Variants in ALK observed in about 807,000 individuals in gnomAD.
ALK encodes ALK tyrosine kinase receptor.
ALK carries 74 observed loss-of-function variants against 163.1 expected under a neutral mutation model. That is an observed-to-expected ratio of 0.45 (90% confidence interval 0.38 to 0.55). The LOEUF (loss-of-function observed/expected upper bound fraction) is 0.55, where lower values mean the gene tolerates loss of function less well. Among genes scored for constraint, ALK ranks in the 20% least tolerant of loss-of-function variants. The pLI is 0.00. For synonymous variants in ALK, 960 were observed against 843.2 expected (o/e 1.14, Z -2.40); for missense variants, 2,063 against 2,105.3 (o/e 0.98, Z 0.39).
chr2:29,435,596 A>T (rs961270073), intron 4 of ALK, among the ~76,000 whole-genome samples: 1 of 151,938 alleles, frequency 6.6e-6, no homozygotes, highest in Non-Finnish European at 1.5e-5. Context: ...GTTTGGGAAA[A>T]TTTTATGAAG....
At chr2:29,661,673 T>G (rs1677352785) in intron 3 of ALK, among the ~76,000 whole-genome samples, 1 of 152,182 alleles carries the variant, frequency 6.6e-6, no homozygotes, top group African/African-American at 2.4e-5. Context: ...TTCTGAAGAT[T>G]ATACAGTAAA....
At chr2:29,770,100 T>C (rs980589309) in intron 1 of ALK, among the ~76,000 whole-genome samples, 1 of 152,228 alleles carries the variant, frequency 6.6e-6, no homozygotes, top group East Asian at 1.9e-4. Flanking sequence ...TTCTTTACTA[T>C]CTGGAATTGG....
At chr2:29,679,118 A>T (rs1006187465) in intron 3 of ALK, among the ~76,000 whole-genome samples, 8 of 151,908 alleles carry the variant, frequency 5.3e-5, no homozygotes, top group Non-Finnish European at 1.0e-4. Context: ...ATCATTATAA[A>T]ATATACTGTT....
chr2:29,603,207 G>A (rs1675427207), intron 3 of ALK, among the ~76,000 whole-genome samples: 2 of 152,154 alleles, frequency 1.3e-5, no homozygotes, highest in Admixed American at 1.3e-4. Context: ...GATCGCAAAT[G>A]TTTCCTATTC....
intron 3 of ALK, among the ~76,000 whole-genome samples, chr2:29,639,995 A>C (rs897217962): frequency 6.6e-6 from 1 of 152,186 alleles, no homozygotes; most frequent in Admixed American, 6.5e-5. Flanking sequence ...AACATATTTT[A>C]ATCACTTAAA....
In ALK at chr2:29,404,595, T is replaced by A. The variant is rs192771230; in HGVS notation, c.1155-20736A>T. 6.5e-3 allele frequency among the ~76,000 whole-genome samples: 985 copies of A among 152,164 alleles called. 7 individuals carry two copies. Among genetic ancestry groups the A allele is most frequent in the Non-Finnish European group, 0.011 (747 of 68,004 alleles). ...AGAGTAGTATGAAATAAAAAGCAAATAAGCCCAAGGCACCTATAAGCAATT... is the reference window on the plus strand; with the variant it reads ...AGAGTAGTATGAAATAAAAAGCAAAAAAGCCCAAGGCACCTATAAGCAATT... On this transcript the variant is annotated intron_variant, in intron 4 of 28. Coordinates refer to ENST00000389048, the MANE Select transcript of ALK (RefSeq NM_004304.5).
chr2:29,750,290 A>G (rs13411641), intron 1 of ALK, among the ~76,000 whole-genome samples: 8,394 of 152,296 alleles, frequency 0.055, 762 homozygotes, highest in African/African-American at 0.19. Flanking sequence ...ACCAGGCCAC[A>G]GTACAGCATG....
At chr2:29,736,135 G>T (rs1390268384) in intron 1 of ALK, among the ~76,000 whole-genome samples, 1 of 151,934 alleles carries the variant, frequency 6.6e-6, no homozygotes, top group Non-Finnish European at 1.5e-5. Context: ...TTCCATGATG[G>T]AATATTATAG....
intron 2 of ALK, among the ~76,000 whole-genome samples, chr2:29,714,588 A>C (rs1377007701): frequency 6.6e-6 from 1 of 152,028 alleles, no homozygotes; most frequent in Non-Finnish European, 1.5e-5. Flanking sequence ...GCTCACTCTC[A>C]CTCCCCCACC....
At position 29,390,981 on chromosome 2, in the gene ALK, G is replaced by C. The variant is rs1209382331; in HGVS notation, c.1155-7122C>G. Reference sequence around the variant, plus strand: ...AAAGGAAGAGGTTTCAGGTCGAAAGGGGATCTGGCTTCCAATGGCCCAGCG... The same window carrying C: ...AAAGGAAGAGGTTTCAGGTCGAAAGCGGATCTGGCTTCCAATGGCCCAGCG... On this transcript the variant is annotated intron_variant, in intron 4 of 28. Transcript: ENST00000389048. 3.9e-5 allele frequency among the ~76,000 whole-genome samples: 6 copies of C among 152,176 alleles called. 2 individuals are homozygous for C. The highest frequency in any genetic ancestry group is 3.9e-4 in the Admixed American group (6 of 15,268).
At chr2:29,632,118 C>T (rs1676395391) in intron 3 of ALK, among the ~76,000 whole-genome samples, 1 of 152,208 alleles carries the variant, frequency 6.6e-6, no homozygotes, top group African/African-American at 2.4e-5. Context: ...CTTCTTCTCT[C>T]TCCCCCAGGA....
chr2:29,543,614 G>T (rs1673472533), intron 3 of ALK, among the ~76,000 whole-genome samples: 1 of 152,166 alleles, frequency 6.6e-6, no homozygotes, highest in South Asian at 2.1e-4. Context: ...AAGGCCATCT[G>T]GGTTAACCAT....
At chr2:29,525,499 G>A (rs1672933605) in intron 4 of ALK, among the ~76,000 whole-genome samples, 1 of 152,106 alleles carries the variant, frequency 6.6e-6, no homozygotes, top group Non-Finnish European at 1.5e-5. Context: ...AATAGCTCAA[G>A]ATGAGACTCG....
chr2:29,295,847 T>G (rs1573202420), intron 9 of ALK, among the ~76,000 whole-genome samples: 1 of 152,178 alleles, frequency 6.6e-6, no homozygotes, highest in South Asian at 2.1e-4. Context: ...AGGGTTGACT[T>G]TTAGCCCATA....
intron 3 of ALK, among the ~76,000 whole-genome samples, chr2:29,636,984 CTGA>C (rs1456785639): frequency 6.6e-6 from 1 of 152,156 alleles, no homozygotes; most frequent in African/African-American, 2.4e-5. Context: ...TCCTACATTG[CTGA>C]TGAGAGTAAC....
chr2:29,430,539 T>C (rs1176075339), intron 4 of ALK, among the ~76,000 whole-genome samples: 2 of 152,210 alleles, frequency 1.3e-5, no homozygotes, highest in African/African-American at 4.8e-5. Context: ...AGCATGGCTG[T>C]GTTCCAACAA....
chr2:29,305,934 G>A (rs1445665776), intron 8 of ALK, among the ~76,000 whole-genome samples: 1 of 152,152 alleles, frequency 6.6e-6, no homozygotes, highest in African/African-American at 2.4e-5. Flanking sequence ...TGAGAATCTA[G>A]TGCCACTGCT....
At chr2:29,299,805 C>G (rs948225261) in intron 8 of ALK, among the ~76,000 whole-genome samples, 3 of 152,150 alleles carry the variant, frequency 2.0e-5, no homozygotes, top group African/African-American at 7.2e-5. Context: ...TTGGAAGGTG[C>G]TTTTGGCATA....
At chr2:29,811,615 CT>C (rs572732207) in intron 1 of ALK, among the ~76,000 whole-genome samples, 242 of 152,304 alleles carry the variant, frequency 1.6e-3, no homozygotes, top group African/African-American at 5.5e-3. Context: ...CTAACACAAA[CT>C]GATTTCATGC....
Sources: gnomAD v4.1 joint callset for allele counts (sites outside exome capture counted in the v4.1 genomes callset) on GRCh38, gnomAD v4.1.1 for gene constraint, MANE v1.5 for transcripts, NCBI Gene and HGNC (gene_info 2026-07-23, HGNC 2026-07-21) for gene names.